The following MROH2B variants were observed in gnomAD, a reference collection of about 807,000 sequenced individuals.
MROH2B encodes maestro heat-like repeat-containing protein family member 2B.
MROH2B carries 177 observed loss-of-function variants against 208.6 expected under a neutral mutation model. That is an observed-to-expected ratio of 0.85 (90% CI 0.75 to 0.96). The LOEUF (loss-of-function observed/expected upper bound fraction) is 0.96, where lower values mean the gene tolerates loss of function less well. MROH2B is among the 40% of genes least tolerant of loss of function. The pLI is 0.00. For missense variants in MROH2B, 2,002 were observed against 1,878.7 expected, an observed-to-expected ratio of 1.07 and a Z score of -1.21; for synonymous variants, 728 against 659.0, an observed-to-expected ratio of 1.10 and a Z score of -1.60.
intron 16 of MROH2B, 98 bp downstream of exon 16, chr5:41,048,226 G>A (rs1579947309): frequency 7.3e-7 from 1 of 1,370,586 alleles, no homozygotes; most frequent in East Asian, 2.5e-5. Context: ...CATTTTTATT[G>A]CCTAAAATGA....
intron 18 of MROH2B, among the ~76,000 whole-genome samples, chr5:41,044,303 G>GAGCCT (rs1743051765): frequency 6.6e-6 from 1 of 151,552 alleles, no homozygotes; most frequent in Non-Finnish European, 1.5e-5. Flanking sequence ...TATACCTTGT[G>GAGCCT]AGCCTAGTTG....
chr5:41,020,811 A>T (rs1438109691), intron 24 of MROH2B, among the ~76,000 whole-genome samples: 2 of 152,232 alleles, frequency 1.3e-5, no homozygotes, highest in Admixed American at 6.5e-5. Flanking sequence ...ATAATAAATG[A>T]CATATGTGAA....
At chr5:41,007,606 T>G (rs939702949) in intron 33 of MROH2B, among the ~76,000 whole-genome samples, 152 bp from the exon 34 acceptor site, 3 of 152,182 alleles carry the variant, frequency 2.0e-5, no homozygotes, top group African/African-American at 4.8e-5. Flanking sequence ...ATGCTCACAT[T>G]TTAGCCTTGG....
chr5:41,008,789 G>A lies in MROH2B; in HGVS notation c.3425C>T (p.Ala1142Val). 1 of 1,609,764 alleles carries A rather than the reference G, an allele frequency of 6.2e-7. No individual in the cohort carries two copies. Among genetic ancestry groups the A allele is most frequent in the Non-Finnish European group, 8.5e-7 (1 of 1,177,096 alleles). ...DIARVEAISV[A>V]CAMYEVISMG... ...TGAGATCACTTCATACATAGCACAG[G>A]CCACCTGAGGGGAGAAAGGGCCTCT... The change falls in exon 33 of 42, where the codon GCC becomes GTC. Residue 1142 changes from alanine (A) to valine (V), a missense_variant. Physicochemically the swap from Ala to Val is moderately conservative, Grantham distance 64 (BLOSUM62 0). Coordinates refer to ENST00000399564, the MANE Select transcript of MROH2B (RefSeq NM_173489.5).
chr5:41,045,583 A>T (rs1743089495), intron 18 of MROH2B, among the ~76,000 whole-genome samples, 163 bp downstream of exon 18: 1 of 152,184 alleles, frequency 6.6e-6, no homozygotes, highest in African/African-American at 2.4e-5. Flanking sequence ...GGTGCAGAGA[A>T]GGTCATATTC....
intron 37 of MROH2B, among the ~76,000 whole-genome samples, chr5:41,002,174 G>A (rs1259985529): frequency 1.3e-5 from 2 of 152,174 alleles, no homozygotes; most frequent in Non-Finnish European, 2.9e-5. Flanking sequence ...AGTTAAAAAA[G>A]CTTGAATTTT....
chr5:41,017,192 A>C (rs1052973396), intron 28 of MROH2B, among the ~76,000 whole-genome samples: 1 of 152,222 alleles, frequency 6.6e-6, no homozygotes, highest in Non-Finnish European at 1.5e-5. Flanking sequence ...TCCTTGGTGA[A>C]ACATGGACTC....
chr5:41,037,158 G>A (rs776945443), intron 21 of MROH2B, among the ~76,000 whole-genome samples: 2 of 151,978 alleles, frequency 1.3e-5, no homozygotes, highest in African/African-American at 2.4e-5. Flanking sequence ...TATAGATGAG[G>A]TCTTGATACT....
At position 41,047,616 on chromosome 5, in the gene MROH2B, G is replaced by T. The variant is rs112799923; in HGVS notation, c.1728+105C>A. The T allele has an allele frequency of 8.4e-3, 8,438 of 1,008,420 alleles. 436 individuals carry two copies. The African/African-American group carries it at 0.12, about 15-fold the overall frequency. 62.5% of individuals were successfully genotyped at this position (1,008,420 alleles called of 1,614,324 possible). On this transcript the variant is annotated intron_variant, in intron 17 of 41. Coordinates refer to ENST00000399564, the MANE Select transcript of MROH2B (RefSeq NM_173489.5). ...TAATTCTTTTCCAAAGAAAGGAAAA[G>T]GTTGTTTATTATCCTCAGGAATCTA...
rs770970687 is a variant in MROH2B at position 41,039,526 on chromosome 5, G to A, written c.1983C>T (p.Ala661=). The A allele has an allele frequency of 4.1e-5, 65 of 1,603,732 alleles. 2 individuals are homozygous for A. Among genetic ancestry groups the A allele is most frequent in the Middle Eastern group, 3.4e-4 (2 of 5,944 alleles). The change falls in exon 20 of 42, where the codon GCC becomes GCT. Residue 661 remains alanine (A), a synonymous_variant. Coordinates refer to ENST00000399564, the MANE Select transcript of MROH2B (RefSeq NM_173489.5). The stretch of plus-strand genomic sequence containing the variant: ...TTAAAACAATATCCAAATGGTTCTC[G>A]GCACAGTATCCTAAAATAGATGTTA... ...QGITSILGYC[A]ENHLDIVLKV... is the part of the protein sequence containing the mutation.
rs764563692 is a variant in MROH2B, at chr5:41,018,796, A to G, written c.2578-10T>C. The G allele has an allele frequency of 6.8e-6, 11 of 1,613,766 alleles. No homozygotes were observed. Among genetic ancestry groups the G allele is most frequent in the Non-Finnish European group, 9.3e-6 (11 of 1,179,818 alleles). On this transcript the variant is annotated splice_polypyrimidine_tract_variant and intron_variant, in intron 25 of 41. Coordinates refer to ENST00000399564, the MANE Select transcript of MROH2B (RefSeq NM_173489.5). The stretch of plus-strand genomic sequence containing the variant: ...ATCGTTCATAGAGAAACTGAAATCA[A>G]ATATGTGTGTGTGAGTCTCAGGCTG...
intron 5 of MROH2B, among the ~76,000 whole-genome samples, chr5:41,063,743 G>C (rs536669321): frequency 1.1e-3 from 172 of 152,320 alleles, no homozygotes; most frequent in African/African-American, 4.0e-3. Flanking sequence ...ACTGAGAGAA[G>C]GGCAGGGTCA....
rs759442851 is a variant in MROH2B, at chr5:41,000,729, G to C, written c.4299C>G (p.Ser1433Arg). 6.8e-6 allele frequency: 11 copies of C among 1,612,164 alleles called. No homozygotes were observed. The Admixed American group carries it at 1.5e-4, about 22-fold the overall frequency. Residue 1433 changes from serine (S) to arginine (R), a missense_variant, in exon 38 of 42, where the codon AGC becomes AGG. Coordinates refer to ENST00000399564, the MANE Select transcript of MROH2B (RefSeq NM_173489.5). ...AAAGGTGCAGAAGGAATGAAATCAG[G>C]CTCTTTTTTATTTCTTCAGCAAAAA... Reference protein sequence around the residue: ...KIFFAEEIKKSLISFLLHLWD... With the variant: ...KIFFAEEIKKRLISFLLHLWD...
intron 24 of MROH2B, among the ~76,000 whole-genome samples, chr5:41,024,002 C>G (rs60257321): frequency 0.16 from 24,787 of 152,034 alleles, 2,156 homozygotes; most frequent in East Asian, 0.3. Flanking sequence ...TTTGTCACCA[C>G]CAGGCCTGCC....
intron 28 of MROH2B, among the ~76,000 whole-genome samples, chr5:41,016,937 T>G (rs1741975046): frequency 6.6e-6 from 1 of 152,200 alleles, no homozygotes; most frequent in Non-Finnish European, 1.5e-5. Context: ...ACTGATTATC[T>G]CTTTCCCCCA....
intron 22 of MROH2B, 102 bp from the exon 23 acceptor site, chr5:41,033,262 A>T: frequency 6.7e-7 from 1 of 1,481,484 alleles, no homozygotes; most frequent in Non-Finnish European, 9.1e-7. Flanking sequence ...GACAGGAGTG[A>T]GAATCTTTGC....
chr5:41,043,726 T>C (rs918279436), intron 18 of MROH2B, among the ~76,000 whole-genome samples: 1 of 152,174 alleles, frequency 6.6e-6, no homozygotes, highest in Non-Finnish European at 1.5e-5. Context: ...TGCAGCTCCT[T>C]CAATCAAGAA....
chr5:40,999,631 G>A (rs1380922312), intron 40 of MROH2B, 46 bp downstream of exon 40: 1 of 1,528,502 alleles, frequency 6.5e-7, no homozygotes, highest in Non-Finnish European at 8.9e-7. Context: ...AAAACTAGGT[G>A]GAAAAAGCAG....
rs181624181 is a variant in MROH2B at position 41,025,362 on chromosome 5, G to A, written c.2442-6344C>T. Among the ~76,000 whole-genome samples, 1,288 of 152,128 alleles carry A rather than the reference G, an allele frequency of 8.5e-3. 7 individuals are homozygous for A. The highest frequency in any genetic ancestry group is 0.013 in the Non-Finnish European group (913 of 67,988). ...AAATGATAAAGGGGATATCACCACCGATCCCACAGAAATACAAACTACCAT... is the reference window on the plus strand; with the variant it reads ...AAATGATAAAGGGGATATCACCACCAATCCCACAGAAATACAAACTACCAT... On this transcript the variant is annotated intron_variant, in intron 24 of 41. Coordinates refer to ENST00000399564, the MANE Select transcript of MROH2B (RefSeq NM_173489.5).
Sources: allele counts gnomAD v4.1 joint callset (sites outside exome capture counted in the v4.1 genomes callset), GRCh38; gene constraint gnomAD v4.1.1; transcripts MANE v1.5; gene names NCBI Gene and HGNC (gene_info 2026-07-23, HGNC 2026-07-21).